The following BBS9 variants were observed in gnomAD, a reference collection of about 807,000 sequenced individuals.
BBS9 encodes Bardet-Biedl syndrome 9, also known as protein PTHB1.
In BBS9, 89 loss-of-function variants were observed where a neutral mutation model predicts 117.7. The ratio of observed to expected loss-of-function variants is 0.76; its 90% CI spans 0.64 to 0.90. BBS9 has a LOEUF of 0.90. BBS9 is among the 40% of genes least tolerant of loss of function. The pLI, the probability that BBS9 is intolerant of heterozygous loss-of-function variation, is 0.00. For missense variants in BBS9, 982 were observed against 1,042.2 expected (o/e 0.94, Z 0.80); for synonymous variants, 379 against 370.9 (o/e 1.02, Z -0.25).
chr7:33,564,787 A>C (rs997163268), intron 21 of BBS9, among the ~76,000 whole-genome samples: 1 of 152,188 alleles, frequency 6.6e-6, no homozygotes, highest in Non-Finnish European at 1.5e-5. Flanking sequence ...CAGGCATTTG[A>C]GATTGAAAGC....
chr7:33,314,589 A>G (rs546319399), intron 9 of BBS9: 1 of 158,798 alleles, frequency 6.3e-6, no homozygotes, highest in African/African-American at 2.4e-5. Context: ...GTTGATTGGT[A>G]TCTGGAGTGT....
At chr7:33,592,134 A>G (rs952245304) in intron 21 of BBS9, among the ~76,000 whole-genome samples, 2 of 152,016 alleles carry the variant, frequency 1.3e-5, no homozygotes, top group African/African-American at 4.8e-5. Flanking sequence ...TCATATATAA[A>G]TTTATGCTGT....
In BBS9 at chr7:33,326,634, C is replaced by T. The variant is rs150991611; in HGVS notation, c.1017-9807C>T. On this transcript the variant is annotated intron_variant, in intron 9 of 22. Transcript: ENST00000242067. ...TCTGAATTCCACTCAAGGCCAATGA[C>T]GAGTACTGCCTGGCTACCACTGTTG... 6.8e-4 allele frequency among the ~76,000 whole-genome samples: 103 copies of T among 151,978 alleles called. 3 individuals carry two copies. The East Asian group carries it at 0.019, about 29-fold the overall frequency.
intron 5 of BBS9, among the ~76,000 whole-genome samples, chr7:33,183,594 A>C (rs1455210011): frequency 6.6e-6 from 1 of 152,222 alleles, no homozygotes; most frequent in Non-Finnish European, 1.5e-5. Flanking sequence ...ACTAAGCTAC[A>C]GCACTGGACA....
intron 19 of BBS9, among the ~76,000 whole-genome samples, chr7:33,406,190 C>T (rs558436617): frequency 2.5e-4 from 38 of 152,264 alleles, no homozygotes; most frequent in Non-Finnish European, 4.6e-4. Flanking sequence ...AGTTTGATTG[C>T]ACTGTGGTCT....
At chr7:33,264,905 G>A (rs1170553621) in intron 7 of BBS9, among the ~76,000 whole-genome samples, 1 of 152,078 alleles carries the variant, frequency 6.6e-6, no homozygotes, top group Admixed American at 6.6e-5. Flanking sequence ...TAACTAGTAG[G>A]CATGCGACCG....
chr7:33,613,499 G>A (rs1281440407), intron 21 of BBS9, among the ~76,000 whole-genome samples: 1 of 151,894 alleles, frequency 6.6e-6, no homozygotes, highest in African/African-American at 2.4e-5. Context: ...AGGATTGCTT[G>A]GATAAGAGTT....
At chr7:33,288,116 C>T (rs1045260836) in intron 9 of BBS9, among the ~76,000 whole-genome samples, 18 of 152,122 alleles carry the variant, frequency 1.2e-4, no homozygotes, top group African/African-American at 2.9e-4. Context: ...GACCCACATG[C>T]GCACTAGGAG....
rs536502082 is a variant in BBS9, at chr7:33,595,075, A to C, written c.2522-9790A>C. Among the ~76,000 whole-genome samples, 10 of 152,314 alleles carry C rather than the reference A, an allele frequency of 6.6e-5. No homozygotes were observed. In the South Asian group the frequency reaches 1.0e-3, roughly 16 times the overall value. ...GATTAAAGACTTAAATGTAAAAACC[A>C]AAACCATAAAAATCCTAGAAGAAAG... On this transcript the variant is annotated intron_variant, in intron 21 of 22. Coordinates refer to ENST00000242067, the MANE Select transcript of BBS9 (RefSeq NM_198428.3).
intron 19 of BBS9, among the ~76,000 whole-genome samples, chr7:33,483,823 A>G (rs1165422472): frequency 6.6e-6 from 1 of 152,044 alleles, no homozygotes; most frequent in African/African-American, 2.4e-5. Context: ...TTTTCTGTAG[A>G]GATAGGGTCT....
chr7:33,533,601 C>A, intron 20 of BBS9: 1 of 275,004 alleles, frequency 3.6e-6, no homozygotes, highest in Non-Finnish European at 7.0e-6. Context: ...CTTTACCCAC[C>A]AGATCATTAA....
chr7:33,525,600 A>G (rs370251034), intron 20 of BBS9, among the ~76,000 whole-genome samples: 10 of 131,454 alleles, frequency 7.6e-5, no homozygotes, highest in East Asian at 4.2e-4. Flanking sequence ...CCATTTGCTT[A>G]GTAGATCTTC....
chr7:33,331,430 CAAAA>C (rs1361831673), intron 9 of BBS9, among the ~76,000 whole-genome samples: 1 of 151,948 alleles, frequency 6.6e-6, no homozygotes, highest in Admixed American at 6.6e-5. Flanking sequence ...AGCAATCAGA[CAAAA>C]GAAAGAAATA....
At chr7:33,560,779 C>T (rs2051992401) in intron 21 of BBS9, among the ~76,000 whole-genome samples, 2 of 152,204 alleles carry the variant, frequency 1.3e-5, no homozygotes, top group South Asian at 4.1e-4. Flanking sequence ...TTCCACAGCC[C>T]TCTCAATTAT....
intron 21 of BBS9, among the ~76,000 whole-genome samples, chr7:33,584,004 T>C (rs191368425): frequency 4.6e-5 from 7 of 152,178 alleles, no homozygotes; most frequent in Admixed American, 4.6e-4. Context: ...ATTATTATCA[T>C]AGTTATTCTT....
intron 9 of BBS9, among the ~76,000 whole-genome samples, chr7:33,304,734 A>C (rs1449848532): frequency 6.6e-6 from 1 of 152,078 alleles, no homozygotes; most frequent in Non-Finnish European, 1.5e-5. Flanking sequence ...TCAGATTGTT[A>C]CTGTGTCTGT....
intron 21 of BBS9, among the ~76,000 whole-genome samples, chr7:33,566,791 T>A (rs1253511781): frequency 1.3e-5 from 2 of 152,202 alleles, no homozygotes; most frequent in African/African-American, 4.8e-5. Flanking sequence ...AGATGCTAAA[T>A]TGGCTTAAAT....
Position 33,273,207 on chromosome 7 carries a change from G to T in BBS9, c.886+12G>T, listed in dbSNP as rs769754633. 1.1e-5 allele frequency: 17 copies of T among 1,613,186 alleles called. No homozygotes were observed. Among genetic ancestry groups the T allele is most frequent in the Admixed American group, 1.7e-5 (1 of 59,986 alleles). ...GCCATATTGCTCAGGTGTGTAGAAA[G>T]ATTTTCTTTTATCTCTTCCATATGT... On this transcript the variant is annotated intron_variant, in intron 8 of 22. Transcript: ENST00000242067.
intron 21 of BBS9, among the ~76,000 whole-genome samples, chr7:33,563,490 C>T (rs778735833): frequency 1.1e-4 from 17 of 152,098 alleles, no homozygotes; most frequent in South Asian, 2.1e-4. Flanking sequence ...CATTCTGATC[C>T]GAAATAAGGA....
Sources: gnomAD v4.1 joint callset for allele counts (sites outside exome capture counted in the v4.1 genomes callset) on GRCh38, gnomAD v4.1.1 for gene constraint, MANE v1.5 for transcripts, NCBI Gene and HGNC (gene_info 2026-07-23, HGNC 2026-07-21) for gene names.